Variants in ZC3HAV1 observed in about 807,000 individuals in gnomAD.
ZC3HAV1 encodes zinc finger CCCH-type antiviral protein 1.
A neutral mutation model predicts 86.6 loss-of-function variants in ZC3HAV1; 41 were observed. That is an observed-to-expected ratio of 0.47 (90% CI 0.37 to 0.61). The LOEUF (loss-of-function observed/expected upper bound fraction) is 0.61. ZC3HAV1 is among the 20% of genes least tolerant of loss of function. The pLI is 0.00. For missense variants in ZC3HAV1, 964 were observed against 1,141.1 expected (o/e 0.84, Z 2.24); for synonymous variants, 421 against 432.1 (o/e 0.97, Z 0.32).
intron 8 of ZC3HAV1, 140 bp from the exon 9 acceptor site, chr7:139,061,278 G>A: frequency 1.3e-6 from 1 of 776,958 alleles, no homozygotes; most frequent in Non-Finnish European, 2.0e-6. Context: ...AAATCCTTTG[G>A]GATGAGAATT....
At position 139,054,408 on chromosome 7, in the gene ZC3HAV1, T is replaced by C. The variant is rs367563714; in HGVS notation, c.2188-313A>G. Among the ~76,000 whole-genome samples, 765 of 152,258 alleles carry C rather than the reference T, an allele frequency of 5.0e-3. 2 individuals carry two copies. Among genetic ancestry groups the C allele is most frequent in the African/African-American group, 0.017 (720 of 41,544 alleles). ...CAAGGGAAGAGGAATTGAGGTGCCA[T>C]GCAGTCCAAGCAGACCAGCCTGCAC... On this transcript the variant is annotated intron_variant, in intron 10 of 12. Coordinates refer to ENST00000242351, the MANE Select transcript of ZC3HAV1 (RefSeq NM_020119.4).
At chr7:139,079,207 TGA>T in intron 4 of ZC3HAV1, 1 of 1,536,308 alleles carries the variant, frequency 6.5e-7, no homozygotes, top group Non-Finnish European at 8.7e-7. Context: ...CTCTGTTGCT[TGA>T]GGAAAGGGCA....
chr7:139,072,405 C>T (rs146974031), intron 7 of ZC3HAV1, among the ~76,000 whole-genome samples: 1,659 of 152,126 alleles, frequency 0.011, 29 homozygotes, highest in African/African-American at 0.038. Context: ...GGGCTGGTCT[C>T]GAACTCCTGA....
chr7:139,099,992 A>G (rs1817703578), intron 1 of ZC3HAV1, among the ~76,000 whole-genome samples: 1 of 152,040 alleles, frequency 6.6e-6, no homozygotes, highest in African/African-American at 2.4e-5. Flanking sequence ...CATTTTTAAA[A>G]TGGTAAAAAA....
At chr7:139,056,881 T>G (rs1203683924) in intron 9 of ZC3HAV1, among the ~76,000 whole-genome samples, 1 of 152,204 alleles carries the variant, frequency 6.6e-6, no homozygotes, top group African/African-American at 2.4e-5. Context: ...TGGGAAAACA[T>G]AAAACGTGAA....
intron 5 of ZC3HAV1, among the ~76,000 whole-genome samples, chr7:139,078,290 T>C (rs1367086199): frequency 6.6e-6 from 1 of 151,982 alleles, no homozygotes; most frequent in Non-Finnish European, 1.5e-5. Flanking sequence ...GAACAAGTGT[T>C]GGTGAGGATG....
intron 4 of ZC3HAV1, 123 bp downstream of exon 4, chr7:139,079,347 T>C: frequency 6.3e-7 from 1 of 1,580,076 alleles, no homozygotes; most frequent in Non-Finnish European, 8.6e-7. Context: ...ACTGCCATTG[T>C]TAAGCCAAAA....
intron 12 of ZC3HAV1, among the ~76,000 whole-genome samples, chr7:139,049,305 G>A (rs1489289188): frequency 6.6e-6 from 1 of 151,900 alleles, no homozygotes; most frequent in Non-Finnish European, 1.5e-5. Context: ...ACAGCTCATT[G>A]TGGTTTTAAT....
At chr7:139,092,347 A>G (rs1817461202) in intron 1 of ZC3HAV1, among the ~76,000 whole-genome samples, 1 of 152,238 alleles carries the variant, frequency 6.6e-6, no homozygotes, top group Admixed American at 6.5e-5. Context: ...GAGCCAATTC[A>G]GGTGGAAACA....
Position 139,076,420 on chromosome 7 carries a change from A to C in ZC3HAV1, c.1574-11T>G. On this transcript the variant is annotated splice_polypyrimidine_tract_variant and intron_variant, in intron 5 of 12. Transcript: ENST00000242351. ...CTTTGCTGCAGCTACCTACAAAGAC[A>C]AAGAAGGGGTCTGAGGGACTGTTGA... 6.2e-7 allele frequency: 1 copy of C among 1,613,918 alleles called. No individual in the cohort carries two copies. The highest frequency in any genetic ancestry group is 8.5e-7 in the Non-Finnish European group (1 of 1,179,910).
In ZC3HAV1 at chr7:139,043,666, TG is replaced by T. The variant is rs1231612172; in HGVS notation, c.*3927del. 1 of 152,230 alleles carries T rather than the reference TG, an allele frequency of 6.6e-6. No individual in the cohort carries two copies. Among genetic ancestry groups the T allele is most frequent in the Non-Finnish European group, 1.5e-5 (1 of 68,034 alleles). The allele number at this position is 152,230 out of a possible 1,614,324, so 9.4% of individuals were successfully genotyped here. ...CAGTGTACAAAGCATGCTGCTGGGC[TG>T]GGCATCAGGCGTGGCACAGCAAACA... On this transcript the variant is annotated 3_prime_UTR_variant, in exon 13 of 13. Coordinates refer to ENST00000242351, the MANE Select transcript of ZC3HAV1 (RefSeq NM_020119.4).
chr7:139,109,458 G>T lies in ZC3HAV1; in HGVS notation c.-127C>A, dbSNP rs1190166485. On this transcript the variant is annotated 5_prime_UTR_variant, in exon 1 of 13. Transcript: ENST00000242351. ...ACTGCTGGGCGCGCCCGGAGTCAGC[G>T]AGGGCGCGCTCTCCGTCGCCGTTAG... is the stretch of plus-strand genomic sequence containing the variant. The T allele has an allele frequency of 2.5e-6, 3 of 1,208,944 alleles. No homozygotes were observed. The highest frequency in any genetic ancestry group is 5.9e-5 in the Admixed American group (2 of 33,960). 74.9% of individuals were successfully genotyped at this position (1,208,944 alleles called of 1,614,324 possible).
chr7:139,062,303 G>A (rs1816465335), intron 8 of ZC3HAV1, among the ~76,000 whole-genome samples: 1 of 151,960 alleles, frequency 6.6e-6, no homozygotes, highest in Non-Finnish European at 1.5e-5. Context: ...CGGGACCTCC[G>A]CCTAATAAAA....
chr7:139,098,306 A>C (rs569639615), intron 1 of ZC3HAV1, among the ~76,000 whole-genome samples: 47 of 152,326 alleles, frequency 3.1e-4, no homozygotes, highest in African/African-American at 1.1e-3. Flanking sequence ...GATTTTAAAA[A>C]GTTTTAAAAA....
At chr7:139,076,158 G>T in intron 6 of ZC3HAV1, 128 bp downstream of exon 6, 1 of 1,427,960 alleles carries the variant, frequency 7.0e-7, no homozygotes, top group Non-Finnish European at 9.5e-7. Flanking sequence ...TTTATCTCAA[G>T]AGGTATTTCA....
chr7:139,089,101 C>CAAAA (rs1195760878), intron 2 of ZC3HAV1, among the ~76,000 whole-genome samples: 8 of 20,674 alleles, frequency 3.9e-4, no homozygotes, highest in East Asian at 1.4e-3. Context: ...GACTCCATCT[C>CAAAA]AAAAAAAAAA....
intron 9 of ZC3HAV1, among the ~76,000 whole-genome samples, chr7:139,058,772 C>T (rs1816363196): frequency 6.6e-6 from 1 of 152,086 alleles, no homozygotes; most frequent in South Asian, 2.1e-4. Flanking sequence ...GCAACTCTGA[C>T]ATATGGAAGT....
intron 7 of ZC3HAV1, among the ~76,000 whole-genome samples, chr7:139,065,411 G>A (rs571593200): frequency 2.0e-5 from 3 of 152,156 alleles, no homozygotes; most frequent in African/African-American, 4.8e-5. Context: ...AGCCACGCAC[G>A]GTTTACAGTA....
chr7:139,047,328 CAAAAAAA>C lies in ZC3HAV1; in HGVS notation c.*259_*265del, dbSNP rs367919128. ...TGGACGATGGAGTGAGATTCAGTCT[CAAAAAAA>C]AAAAAAAAAAAAAAAATACAACTGC... On this transcript the variant is annotated 3_prime_UTR_variant, in exon 13 of 13. Coordinates refer to ENST00000242351, the MANE Select transcript of ZC3HAV1 (RefSeq NM_020119.4). The C allele has an allele frequency of 0.1, 26,535 of 258,888 alleles. 682 individuals are homozygous for C. Among genetic ancestry groups the C allele is most frequent in the African/African-American group, 0.2 (7,119 of 35,392 alleles). 16.0% of individuals were successfully genotyped at this position (258,888 alleles called of 1,614,324 possible). A position where few individuals can be genotyped will look rare whatever the true frequency, so the allele number is the denominator to read the frequency against.
Sources: allele counts gnomAD v4.1 joint callset (sites outside exome capture counted in the v4.1 genomes callset), GRCh38; gene constraint gnomAD v4.1.1; transcripts MANE v1.5; gene names NCBI Gene and HGNC (gene_info 2026-07-23, HGNC 2026-07-21).